Variants in ADCY2 observed in about 807,000 individuals in gnomAD.
ADCY2 encodes adenylate cyclase 2.
ADCY2 carries 31 observed loss-of-function variants against 125.2 expected under a neutral mutation model. The ratio of observed to expected loss-of-function variants is 0.25; its 90% CI spans 0.19 to 0.33. The LOEUF (loss-of-function observed/expected upper bound fraction) is 0.33. ADCY2 is among the 10% of genes least tolerant of loss of function. ADCY2 has a pLI of 1.00. For missense variants in ADCY2, 904 were observed against 1,418.2 expected, an observed-to-expected ratio of 0.64 and a Z score of 5.82; for synonymous variants, 512 against 548.4, an observed-to-expected ratio of 0.93 and a Z score of 0.93.
chr5:7,538,288 C>T (rs1442124013), intron 3 of ADCY2, among the ~76,000 whole-genome samples: 1 of 152,120 alleles, frequency 6.6e-6, no homozygotes, highest in Non-Finnish European at 1.5e-5. Flanking sequence ...CCCAGTTCTG[C>T]ATGAATTGGT....
chr5:7,689,005 G>A (rs943761803), intron 4 of ADCY2, among the ~76,000 whole-genome samples: 1 of 152,198 alleles, frequency 6.6e-6, no homozygotes, highest in South Asian at 2.1e-4. Flanking sequence ...AGATGATGGA[G>A]TAGTTCTTTA....
intron 2 of ADCY2, among the ~76,000 whole-genome samples, chr5:7,448,837 A>G (rs1410938609): frequency 1.3e-5 from 2 of 152,204 alleles, no homozygotes; most frequent in Non-Finnish European, 2.9e-5. Flanking sequence ...ATAGTATTCC[A>G]TGGTGTATAT....
chr5:7,436,854 C>T (rs1233063355), intron 2 of ADCY2, among the ~76,000 whole-genome samples: 1 of 152,172 alleles, frequency 6.6e-6, no homozygotes, highest in East Asian at 1.9e-4. Context: ...CTGCCTCTTC[C>T]TCAGGGCGTG....
intron 6 of ADCY2, among the ~76,000 whole-genome samples, chr5:7,697,216 C>T (rs1482797299): frequency 1.3e-5 from 2 of 152,012 alleles, no homozygotes; most frequent in Admixed American, 1.3e-4. Flanking sequence ...TCAGGACTGA[C>T]TTTAATATGT....
Position 7,520,897 on chromosome 5 carries a change from C to T in ADCY2, c.568C>T (p.Gln190Ter). 6.2e-7 allele frequency: 1 copy of T among 1,613,930 alleles called. No individual in the cohort carries two copies. Reference sequence around the variant, plus strand: ...GGGAGGCAAGGAGCACCTGGTCTGGCAGGTGGGTGCACCTCCACATCCATG... The same window carrying T: ...GGGAGGCAAGGAGCACCTGGTCTGGTAGGTGGGTGCACCTCCACATCCATG... ...TPGGKEHLVW[Q>*]ILANVIIFIC... Residue 190 changes from glutamine to a stop codon, truncating the protein, a stop_gained and splice_region_variant, in exon 3 of 25, where the codon CAG becomes TAG. Coordinates refer to ENST00000338316, the MANE Select transcript of ADCY2 (RefSeq NM_020546.3). LOFTEE classifies it high-confidence loss of function.
intron 14 of ADCY2, among the ~76,000 whole-genome samples, chr5:7,737,096 G>C (rs530150434): frequency 6.6e-6 from 1 of 152,170 alleles, no homozygotes; most frequent in Admixed American, 6.5e-5. Context: ...AACTATTAAT[G>C]ATATTATAGT....
chr5:7,736,405 A>G (rs1742254577), intron 14 of ADCY2, among the ~76,000 whole-genome samples: 1 of 152,340 alleles, frequency 6.6e-6, no homozygotes, highest in Admixed American at 6.5e-5. Context: ...CATACTCTTA[A>G]GAATGATCAT....
intron 2 of ADCY2, among the ~76,000 whole-genome samples, chr5:7,443,645 A>AC (rs1210259563): frequency 6.9e-6 from 1 of 144,622 alleles, no homozygotes; most frequent in South Asian, 2.3e-4. Flanking sequence ...GTCTCAAAAA[A>AC]AAAAAAAAAA....
At chr5:7,563,077 T>C (rs1028345471) in intron 3 of ADCY2, among the ~76,000 whole-genome samples, 7 of 152,228 alleles carry the variant, frequency 4.6e-5, no homozygotes, top group African/African-American at 1.7e-4. Flanking sequence ...ATTTAGTGTT[T>C]GATCCCACCA....
chr5:7,581,819 C>CA (rs59841590), intron 3 of ADCY2, among the ~76,000 whole-genome samples: 16,737 of 123,042 alleles, frequency 0.14, 1,287 homozygotes, highest in African/African-American at 0.22. Flanking sequence ...GACTCAGTCT[C>CA]AAAAAAAAAA....
rs75844662 is a variant in ADCY2 at position 7,592,098 on chromosome 5, C to T, written c.571-34069C>T. On this transcript the variant is annotated intron_variant, in intron 3 of 24. Transcript: ENST00000338316. Reference sequence around the variant, plus strand: ...GCATTCACTACTCAATTTAAACATGCGGTATGCACATATGGCTCTTTCTTC... The same window carrying T: ...GCATTCACTACTCAATTTAAACATGTGGTATGCACATATGGCTCTTTCTTC... Among the ~76,000 whole-genome samples, 109 of 152,228 alleles carry T rather than the reference C, an allele frequency of 7.2e-4. 1 individual carries two copies. In the East Asian group the frequency reaches 0.015, roughly 20 times the overall value.
At chr5:7,549,521 G>A (rs766094665) in intron 3 of ADCY2, among the ~76,000 whole-genome samples, 14 of 152,160 alleles carry the variant, frequency 9.2e-5, no homozygotes, top group Non-Finnish European at 1.8e-4. Flanking sequence ...GGATGGGAAG[G>A]TATCACCCTC....
intron 3 of ADCY2, among the ~76,000 whole-genome samples, chr5:7,571,652 A>C (rs1033508250): frequency 6.6e-6 from 1 of 152,204 alleles, no homozygotes; most frequent in African/African-American, 2.4e-5. Context: ...TTTGTCCTTT[A>C]CTTTTAAGTT....
chr5:7,522,449 G>C (rs1744478382), intron 3 of ADCY2: 1 of 151,886 alleles, frequency 6.6e-6, no homozygotes, highest in Non-Finnish European at 1.5e-5. Context: ...CTCTACCCCA[G>C]CCTTCACTTC....
chr5:7,660,318 G>A (rs1170931526), intron 4 of ADCY2, among the ~76,000 whole-genome samples: 1 of 150,496 alleles, frequency 6.6e-6, no homozygotes, highest in Non-Finnish European at 1.5e-5. Flanking sequence ...GAAAGGAAAA[G>A]GGAAGGAGAA....
At chr5:7,424,631 G>A (rs945786646) in intron 2 of ADCY2, among the ~76,000 whole-genome samples, 1 of 152,232 alleles carries the variant, frequency 6.6e-6, no homozygotes, top group Non-Finnish European at 1.5e-5. Context: ...AGCAGTTTCT[G>A]CAGAGATGCC....
In ADCY2 at chr5:7,520,887, C is replaced by T. The variant is rs767090582; in HGVS notation, c.558C>T (p.His186=). The change falls in exon 3 of 25, where the codon CAC becomes CAT. Residue 186 remains histidine (H), a synonymous_variant. Coordinates refer to ENST00000338316, the MANE Select transcript of ADCY2 (RefSeq NM_020546.3). ...CLSATPGGKE[H]LVWQILANVI... The stretch of plus-strand genomic sequence containing the variant: ...CTGCAACACCGGGAGGCAAGGAGCA[C>T]CTGGTCTGGCAGGTGGGTGCACCTC... 6.8e-6 allele frequency: 11 copies of T among 1,614,078 alleles called. No individual in the cohort carries two copies. The highest frequency in any genetic ancestry group is 7.6e-6 in the Non-Finnish European group (9 of 1,180,034).
chr5:7,509,800 C>G (rs1306414267), intron 2 of ADCY2, among the ~76,000 whole-genome samples: 1 of 152,192 alleles, frequency 6.6e-6, no homozygotes, highest in African/African-American at 2.4e-5. Flanking sequence ...TTTATACAAT[C>G]TAGTCATCAA....
At chr5:7,629,097 A>T (rs1490288928) in intron 4 of ADCY2, among the ~76,000 whole-genome samples, 2 of 152,234 alleles carry the variant, frequency 1.3e-5, no homozygotes, top group Non-Finnish European at 2.9e-5. Context: ...TGTGTTGACC[A>T]GCCAGAAAAC....
Sources: allele counts gnomAD v4.1 joint callset (sites outside exome capture counted in the v4.1 genomes callset), GRCh38; gene constraint gnomAD v4.1.1; transcripts MANE v1.5; gene names NCBI Gene and HGNC (gene_info 2026-07-23, HGNC 2026-07-21).